Variants in ROBO1 observed in about 807,000 individuals in gnomAD.
The protein encoded by ROBO1 is roundabout homolog 1.
A neutral mutation model predicts 195.9 loss-of-function variants in ROBO1; 149 were observed. That is an observed-to-expected ratio of 0.76 (90% CI 0.67 to 0.87). The LOEUF (loss-of-function observed/expected upper bound fraction) is 0.87, where lower values mean the gene tolerates loss of function less well. ROBO1 is among the 40% of genes least tolerant of loss of function. ROBO1 has a pLI of 0.00. For synonymous variants in ROBO1, 816 were observed against 733.2 expected (o/e 1.11, Z -1.82); for missense variants, 1,933 against 2,068.3 (o/e 0.93, Z 1.27).
At chr3:79,414,201 C>A (rs1231440833) in intron 2 of ROBO1, among the ~76,000 whole-genome samples, 1 of 149,696 alleles carries the variant, frequency 6.7e-6, no homozygotes, top group Non-Finnish European at 1.5e-5. Flanking sequence ...CTCTCTCTTT[C>A]TCTCTCTCTC....
chr3:79,590,383 GA>G (rs1174018940), intron 1 of ROBO1, among the ~76,000 whole-genome samples: 2 of 151,468 alleles, frequency 1.3e-5, no homozygotes, highest in East Asian at 1.9e-4. Context: ...TGATATAGCA[GA>G]AAAAAACAAA....
At chr3:79,233,714 A>T (rs2082358297) in intron 2 of ROBO1, among the ~76,000 whole-genome samples, 1 of 152,024 alleles carries the variant, frequency 6.6e-6, no homozygotes, top group Admixed American at 6.6e-5. Context: ...TCTATGTGCT[A>T]TTTTAAAAAT....
chr3:78,919,236 A>C lies in ROBO1; in HGVS notation c.499+19365T>G, dbSNP rs147120268. ...ACTCACTGGATCCTCTGAACAGGGG[A>C]ATTCACACACAGACTAGCTTAGACA... is the stretch of plus-strand genomic sequence containing the variant. On this transcript the variant is annotated intron_variant, in intron 4 of 30. Transcript: ENST00000464233. Among the ~76,000 whole-genome samples, 110 of 152,302 alleles carry C rather than the reference A, an allele frequency of 7.2e-4. No individual in the cohort carries two copies. The East Asian group carries it at 0.013, about 17-fold the overall frequency.
chr3:78,682,479 GTA>G (rs2080942462), intron 10 of ROBO1, among the ~76,000 whole-genome samples: 2 of 139,454 alleles, frequency 1.4e-5, no homozygotes, highest in South Asian at 2.2e-4. Flanking sequence ...ATATGACTGT[GTA>G]TATATGTGTA....
chr3:79,572,946 T>C (rs1576047219), intron 2 of ROBO1, among the ~76,000 whole-genome samples: 1 of 152,132 alleles, frequency 6.6e-6, no homozygotes, highest in East Asian at 1.9e-4. Flanking sequence ...AGCGTGGAGG[T>C]AGAATGGATT....
At chr3:78,763,657 TAA>T (rs1410009424) in intron 4 of ROBO1, among the ~76,000 whole-genome samples, 2 of 152,092 alleles carry the variant, frequency 1.3e-5, no homozygotes, top group African/African-American at 4.8e-5. Context: ...TTTAAGTCAT[TAA>T]AAAAATTGAG....
At chr3:78,809,829 G>T (rs1403952065) in intron 4 of ROBO1, among the ~76,000 whole-genome samples, 1 of 152,026 alleles carries the variant, frequency 6.6e-6, no homozygotes, top group African/African-American at 2.4e-5. Context: ...ATCACACACC[G>T]AAGCCTCTTG....
chr3:78,761,767 G>C (rs1186636480), intron 4 of ROBO1, among the ~76,000 whole-genome samples: 1 of 152,038 alleles, frequency 6.6e-6, no homozygotes, highest in Non-Finnish European at 1.5e-5. Flanking sequence ...TATTGATAGT[G>C]CATAACCTTC....
intron 4 of ROBO1, among the ~76,000 whole-genome samples, chr3:78,817,206 G>C (rs1488611358): frequency 6.6e-6 from 1 of 151,946 alleles, no homozygotes; most frequent in Non-Finnish European, 1.5e-5. Context: ...AGCCACCCAA[G>C]CCTTCTGCAA....
intron 4 of ROBO1, among the ~76,000 whole-genome samples, chr3:78,759,605 T>C (rs574675009): frequency 4.6e-5 from 7 of 152,332 alleles, no homozygotes; most frequent in Non-Finnish European, 8.8e-5. Flanking sequence ...CAATTTTATA[T>C]TACTCATTTT....
chr3:79,550,276 G>A (rs1344475089), intron 2 of ROBO1, among the ~76,000 whole-genome samples: 1 of 151,528 alleles, frequency 6.6e-6, no homozygotes, highest in African/African-American at 2.4e-5. Flanking sequence ...TATATAAGCA[G>A]TTTTCTTTCT....
intron 4 of ROBO1, among the ~76,000 whole-genome samples, chr3:78,805,140 A>G (rs2084497068): frequency 6.6e-6 from 1 of 152,052 alleles, no homozygotes; most frequent in Admixed American, 6.6e-5. Context: ...TCCTTTCTCT[A>G]TCACTTGAAG....
intron 3 of ROBO1, among the ~76,000 whole-genome samples, chr3:78,991,735 T>C (rs943478059): frequency 2.0e-5 from 3 of 152,172 alleles, no homozygotes; most frequent in Non-Finnish European, 4.4e-5. Flanking sequence ...CAGAGGACTT[T>C]GATTAACGAT....
rs1031083133 is a variant in ROBO1, at chr3:78,678,553, G to A, written c.1342+7193C>T. On this transcript the variant is annotated intron_variant, in intron 10 of 30. Coordinates refer to ENST00000464233, the MANE Select transcript of ROBO1 (RefSeq NM_002941.4). ...CAGAGAATACTACAAACACCTCTAC[G>A]CAAATAAACTAGAAAATCTAGAAGA... Among the ~76,000 whole-genome samples the A allele has an allele frequency of 1.3e-3, 199 of 152,176 alleles. 2 individuals carry two copies. The highest frequency in any genetic ancestry group is 4.4e-3 in the African/African-American group (181 of 41,534).
chr3:79,695,190 ATT>A lies in ROBO1; in HGVS notation c.-51+72560_-51+72561del, dbSNP rs140740569. Among the ~76,000 whole-genome samples the A allele has an allele frequency of 5.7e-3, 862 of 151,726 alleles. 6 individuals are homozygous for A. Among genetic ancestry groups the A allele is most frequent in the African/African-American group, 0.018 (746 of 41,506 alleles). On this transcript the variant is annotated intron_variant, in intron 1 of 30. Transcript: ENST00000464233. The stretch of plus-strand genomic sequence containing the variant: ...TATGAACATCTGATAACTGATATAT[ATT>A]GTCTTTTAAAAATTAAAAATAAAAA...
At chr3:79,602,411 C>T (rs191328517) in intron 1 of ROBO1, among the ~76,000 whole-genome samples, 5 of 152,036 alleles carry the variant, frequency 3.3e-5, no homozygotes, top group Admixed American at 2.0e-4. Flanking sequence ...TTTTGAAAGG[C>T]ATTTAGCTTT....
At chr3:79,667,645 T>A (rs1168238222) in intron 1 of ROBO1, among the ~76,000 whole-genome samples, 1 of 151,746 alleles carries the variant, frequency 6.6e-6, no homozygotes. Context: ...CCTATTTTAT[T>A]TCAGAGAAAA....
intron 2 of ROBO1, among the ~76,000 whole-genome samples, chr3:79,474,622 C>A (rs971114386): frequency 7.2e-5 from 11 of 151,952 alleles, no homozygotes; most frequent in Admixed American, 2.0e-4. Flanking sequence ...TTTTAAAAAA[C>A]ATTTTGTTTA....
intron 2 of ROBO1, among the ~76,000 whole-genome samples, chr3:79,358,930 A>C (rs569856324): frequency 6.6e-6 from 1 of 152,110 alleles, no homozygotes; most frequent in African/African-American, 2.4e-5. Context: ...AAATTACTGC[A>C]AATTTGGACA....
Sources: gnomAD v4.1 joint callset for allele counts (sites outside exome capture counted in the v4.1 genomes callset) on GRCh38, gnomAD v4.1.1 for gene constraint, MANE v1.5 for transcripts, NCBI Gene and HGNC (gene_info 2026-07-23, HGNC 2026-07-21) for gene names.